The following SCHIP1 variants were observed in gnomAD, a reference collection of about 807,000 sequenced individuals.
SCHIP1 encodes schwannomin-interacting protein 1.
Under a neutral mutation model 29.7 loss-of-function variants are expected in SCHIP1, and 8 were observed. The ratio of observed to expected loss-of-function variants is 0.27; its 90% confidence interval spans 0.16 to 0.49. SCHIP1 has a LOEUF of 0.49. SCHIP1 is among the 20% of genes least tolerant of loss of function. The pLI is 0.99. For missense variants in SCHIP1, 193 were observed against 294.6 expected, an observed-to-expected ratio of 0.66 and a Z score of 2.52; for synonymous variants, 76 against 94.9, an observed-to-expected ratio of 0.80 and a Z score of 1.16.
At chr3:159,590,021 A>T in the SCHIP1 span, among the ~76,000 whole-genome samples, 4 of 152,206 alleles carry the variant, frequency 2.6e-5, no homozygotes, top group African/African-American at 9.7e-5. Flanking sequence ...GTCCCAATTT[A>T]TCTGAAATTC....
the SCHIP1 span, among the ~76,000 whole-genome samples, chr3:159,726,783 C>G: frequency 3.9e-4 from 59 of 152,194 alleles, no homozygotes; most frequent in Non-Finnish European, 4.6e-4. Flanking sequence ...TCATAAAAGC[C>G]TCTGTGCCAT....
chr3:159,622,544 C>T, the SCHIP1 span, among the ~76,000 whole-genome samples: 1 of 152,098 alleles, frequency 6.6e-6, no homozygotes, highest in Non-Finnish European at 1.5e-5. Flanking sequence ...TTCATTAATC[C>T]TTACAAGTGA....
At chr3:159,627,675 A>G in the SCHIP1 span, among the ~76,000 whole-genome samples, 1 of 152,234 alleles carries the variant, frequency 6.6e-6, no homozygotes, top group Non-Finnish European at 1.5e-5. Context: ...GGTTGAGCCT[A>G]TGATGAAGAA....
intron 1 of SCHIP1, chr3:159,852,988 C>T (rs142172542): frequency 2.2e-4 from 36 of 163,040 alleles, no homozygotes; most frequent in African/African-American, 6.2e-4. Context: ...GCCCTGAACG[C>T]GGAGTTGAAT....
chr3:159,277,930 A>G, the SCHIP1 span, among the ~76,000 whole-genome samples: 1 of 151,822 alleles, frequency 6.6e-6, no homozygotes, highest in Non-Finnish European at 1.5e-5. Flanking sequence ...AAAAAAAAAA[A>G]GGATGGAGCT....
chr3:159,554,780 T>A, the SCHIP1 span, among the ~76,000 whole-genome samples: 1 of 151,976 alleles, frequency 6.6e-6, no homozygotes, highest in Non-Finnish European at 1.5e-5. Context: ...GGCTGCCTTG[T>A]GTTTCCTGCT....
At chr3:159,721,346 TCAAAAAGTTAC>T in the SCHIP1 span, among the ~76,000 whole-genome samples, 1 of 152,232 alleles carries the variant, frequency 6.6e-6, no homozygotes, top group African/African-American at 2.4e-5. Context: ...CTGCTTTATT[TCAAAAAGTTAC>T]AAATTTAGTG....
At chr3:159,762,486 G>T in the SCHIP1 span, among the ~76,000 whole-genome samples, 1 of 152,200 alleles carries the variant, frequency 6.6e-6, no homozygotes, top group Non-Finnish European at 1.5e-5. Flanking sequence ...TCTTCCATCT[G>T]GACTGTGCCA....
At chr3:159,634,135 A>C in the SCHIP1 span, among the ~76,000 whole-genome samples, 2 of 152,204 alleles carry the variant, frequency 1.3e-5, no homozygotes, top group Non-Finnish European at 1.5e-5. Flanking sequence ...TTAGTAACAG[A>C]AAATAAAGAG....
the SCHIP1 span, among the ~76,000 whole-genome samples, chr3:159,754,815 T>C: frequency 6.6e-6 from 1 of 152,208 alleles, no homozygotes. Context: ...AGAGCTGGGG[T>C]CCAAGTGGTG....
the SCHIP1 span, among the ~76,000 whole-genome samples, chr3:159,561,932 A>G: frequency 6.6e-6 from 1 of 152,202 alleles, no homozygotes. Context: ...TTGTTTCCTT[A>G]GAGTAAACTT....
chr3:159,749,349 C>T, the SCHIP1 span, among the ~76,000 whole-genome samples: 30 of 150,028 alleles, frequency 2.0e-4, no homozygotes, highest in East Asian at 5.1e-3. Context: ...ACCCCCATCT[C>T]GAAAGAGAAT....
chr3:159,887,934 A>G (rs956124602), intron 4 of SCHIP1, 29 bp downstream of exon 5: 1 of 1,611,814 alleles, frequency 6.2e-7, no homozygotes, highest in Non-Finnish European at 8.5e-7. Context: ...AATGCAAGGA[A>G]GTGTTTGGGA....
chr3:159,496,047 C>G, the SCHIP1 span, among the ~76,000 whole-genome samples: 7 of 152,250 alleles, frequency 4.6e-5, no homozygotes, highest in East Asian at 1.3e-3. Flanking sequence ...AACTGGCTAG[C>G]CATATGTAGA....
At chr3:159,828,391 ATATACG>A in the SCHIP1 span, among the ~76,000 whole-genome samples, 1 of 62,808 alleles carries the variant, frequency 1.6e-5, no homozygotes, top group East Asian at 1.3e-3. Flanking sequence ...ATATATACAT[ATATACG>A]TATATATATA....
the SCHIP1 span, among the ~76,000 whole-genome samples, chr3:159,804,582 G>A: frequency 2.6e-5 from 4 of 152,246 alleles, no homozygotes; most frequent in Admixed American, 2.0e-4. Flanking sequence ...AGGGTGAGCT[G>A]GCATAAAGTT....
the SCHIP1 span, among the ~76,000 whole-genome samples, chr3:159,378,333 T>C: frequency 2.0e-5 from 3 of 152,196 alleles, no homozygotes; most frequent in Middle Eastern, 3.2e-3. Flanking sequence ...TAGAGGTATC[T>C]GGACAAAAAG....
At chr3:159,519,850 T>C in the SCHIP1 span, among the ~76,000 whole-genome samples, 1 of 119,746 alleles carries the variant, frequency 8.4e-6, no homozygotes, top group East Asian at 2.8e-4. Flanking sequence ...CAAGGCATTA[T>C]CAGTCATGAA....
At chr3:159,587,245 C>A in the SCHIP1 span, among the ~76,000 whole-genome samples, 263 of 152,256 alleles carry the variant, frequency 1.7e-3, 1 homozygote, top group African/African-American at 6.1e-3. Context: ...ACTAGCAAGA[C>A]TTTTGAATTA....
Sources: allele counts gnomAD v4.1 joint callset (sites outside exome capture counted in the v4.1 genomes callset), GRCh38; gene constraint gnomAD v4.1.1; transcripts MANE v1.5; gene names NCBI Gene and HGNC (gene_info 2026-07-23, HGNC 2026-07-21).